Variants in MED13L observed in about 807,000 individuals in gnomAD.
The protein encoded by MED13L is mediator complex subunit 13L.
In MED13L, 7 loss-of-function variants were observed where a neutral mutation model predicts 220.9. The observed-to-expected ratio is 0.03, with a 90% CI of 0.02 to 0.06. MED13L has a LOEUF of 0.06. Ranked by LOEUF, MED13L falls within the 10% of genes least tolerant of loss-of-function variation. The pLI, the probability that MED13L is intolerant of heterozygous loss-of-function variation, is 1.00. For missense variants in MED13L, 1,965 were observed against 2,760.5 expected (o/e 0.71, Z 6.46); for synonymous variants, 1,011 against 1,015.2 (o/e 1.00, Z 0.08).
intron 2 of MED13L, among the ~76,000 whole-genome samples, chr12:116,218,337 A>G (rs1883121687): frequency 6.6e-6 from 1 of 152,248 alleles, no homozygotes; most frequent in South Asian, 2.1e-4. Flanking sequence ...CCTTCTAAAT[A>G]TAACAAAGTC....
intron 13 of MED13L, among the ~76,000 whole-genome samples, chr12:116,005,624 C>T (rs1274223737): frequency 6.6e-6 from 1 of 152,078 alleles, no homozygotes; most frequent in Non-Finnish European, 1.5e-5. Flanking sequence ...GAAAAAGATC[C>T]TTCAATGAAC....
rs1442990921 is a variant in MED13L, at chr12:116,261,447, A to C, written c.72+15613T>G. Among the ~76,000 whole-genome samples the C allele has an allele frequency of 6.1e-5, 9 of 147,412 alleles. No individual in the cohort carries two copies. In the Admixed American group the frequency reaches 6.2e-4, roughly 10 times the overall value. On this transcript the variant is annotated intron_variant, in intron 1 of 30. Coordinates refer to ENST00000281928, the MANE Select transcript of MED13L (RefSeq NM_015335.5). ...CAGAGGCGGAGGGTGCAGTGAGCCG[A>C]GATTGTGCCGCTGTACTCCAGCCTG...
At chr12:116,202,274 C>T (rs1285133468) in intron 2 of MED13L, among the ~76,000 whole-genome samples, 1 of 152,150 alleles carries the variant, frequency 6.6e-6, no homozygotes, top group Admixed American at 6.5e-5. Flanking sequence ...TTCAGTAAGG[C>T]TGTGTTCAGA....
intron 2 of MED13L, among the ~76,000 whole-genome samples, chr12:116,195,770 C>A (rs899820332): frequency 2.6e-5 from 4 of 151,646 alleles, no homozygotes; most frequent in African/African-American, 9.7e-5. Context: ...AGTAAAATTT[C>A]TTTTATAAAG....
chr12:116,034,224 GA>G (rs1881034399), intron 4 of MED13L, among the ~76,000 whole-genome samples: 1 of 151,990 alleles, frequency 6.6e-6, no homozygotes, highest in Admixed American at 6.6e-5. Flanking sequence ...GTGAGGACAG[GA>G]ATCATATTTT....
chr12:116,007,276 A>G (rs1467031068), intron 11 of MED13L, 135 bp downstream of exon 11: 1 of 800,894 alleles, frequency 1.2e-6, no homozygotes, highest in Admixed American at 1.9e-5. Context: ...AATAGTACCA[A>G]GAGCATGAAT....
At chr12:116,029,200 T>G (rs1880575129) in intron 4 of MED13L, among the ~76,000 whole-genome samples, 1 of 139,060 alleles carries the variant, frequency 7.2e-6, no homozygotes, top group South Asian at 2.4e-4. Context: ...ATAATGGGAG[T>G]TGGGGTCTAT....
chr12:116,027,025 C>G (rs757689798), intron 4 of MED13L, among the ~76,000 whole-genome samples: 1 of 152,126 alleles, frequency 6.6e-6, no homozygotes, highest in Non-Finnish European at 1.5e-5. Flanking sequence ...GAGTAATATA[C>G]ACCCAGCTGT....
chr12:116,024,221 C>T (rs1880235159), intron 4 of MED13L, among the ~76,000 whole-genome samples: 1 of 151,984 alleles, frequency 6.6e-6, no homozygotes, highest in Non-Finnish European at 1.5e-5. Context: ...AAGAATGGTG[C>T]AAGGAGCCTG....
intron 2 of MED13L, among the ~76,000 whole-genome samples, chr12:116,207,678 A>G (rs55837280): frequency 0.15 from 22,842 of 152,170 alleles, 1,934 homozygotes; most frequent in Middle Eastern, 0.22. Flanking sequence ...GGGAAAAAGA[A>G]GATACAGACA....
At chr12:116,189,267 A>G (rs1430962627) in intron 2 of MED13L, among the ~76,000 whole-genome samples, 1 of 152,118 alleles carries the variant, frequency 6.6e-6, no homozygotes, top group Non-Finnish European at 1.5e-5. Flanking sequence ...AAAACTAATG[A>G]TGCTGAACAT....
intron 4 of MED13L, among the ~76,000 whole-genome samples, chr12:116,080,750 G>A (rs767603266): frequency 4.0e-4 from 61 of 152,302 alleles, no homozygotes; most frequent in Non-Finnish European, 7.5e-4. Flanking sequence ...TTTGAGTTGT[G>A]CAGTGCTCAC....
At chr12:116,083,747 G>T (rs1871399219) in intron 4 of MED13L, among the ~76,000 whole-genome samples, 1 of 152,134 alleles carries the variant, frequency 6.6e-6, no homozygotes, top group Non-Finnish European at 1.5e-5. Context: ...TGTGGGTCAG[G>T]AAAACTGGCC....
intron 4 of MED13L, among the ~76,000 whole-genome samples, chr12:116,078,079 G>C (rs1414106914): frequency 1.3e-5 from 2 of 150,456 alleles, no homozygotes; most frequent in African/African-American, 4.9e-5. Flanking sequence ...GGGAGTCAGA[G>C]GTTGCTGAGC....
chr12:116,194,243 G>A (rs1881473969), intron 2 of MED13L, among the ~76,000 whole-genome samples: 2 of 151,888 alleles, frequency 1.3e-5, no homozygotes, highest in East Asian at 1.9e-4. Context: ...TCGGCTCGTC[G>A]CAACCTCCAC....
At chr12:116,212,750 AAAC>A (rs2138358034) in intron 2 of MED13L, among the ~76,000 whole-genome samples, 1 of 152,346 alleles carries the variant, frequency 6.6e-6, no homozygotes, top group Admixed American at 6.5e-5. Context: ...AAATGATATA[AAAC>A]AACAGGCTTA....
intron 11 of MED13L, chr12:116,007,201 T>C (rs886497869): frequency 9.9e-6 from 6 of 607,438 alleles, no homozygotes; most frequent in African/African-American, 5.5e-5. Flanking sequence ...GCTTCATTTA[T>C]GTTCGGCTGA....
intron 4 of MED13L, among the ~76,000 whole-genome samples, chr12:116,055,983 CA>C (rs954461496): frequency 6.6e-6 from 1 of 152,102 alleles, no homozygotes; most frequent in South Asian, 2.1e-4. Flanking sequence ...ACTAAACATC[CA>C]GGATGATATC....
At chr12:116,223,119 T>C (rs891403435) in intron 2 of MED13L, among the ~76,000 whole-genome samples, 1 of 152,204 alleles carries the variant, frequency 6.6e-6, no homozygotes, top group African/African-American at 2.4e-5. Flanking sequence ...AACTCCAGTG[T>C]TGGACTGGAA....
Sources: allele counts gnomAD v4.1 joint callset (sites outside exome capture counted in the v4.1 genomes callset), GRCh38; gene constraint gnomAD v4.1.1; transcripts MANE v1.5; gene names NCBI Gene and HGNC (gene_info 2026-07-23, HGNC 2026-07-21).